The following ZNF814 variants were observed in gnomAD, a reference collection of about 807,000 sequenced individuals.
ZNF814 encodes zinc finger protein 814.
ZNF814 carries 5 observed loss-of-function variants against 7.5 expected under a neutral mutation model. The observed-to-expected ratio is 0.67, with a 90% CI of 0.35 to 1.40. The LOEUF (loss-of-function observed/expected upper bound fraction) is 1.40, where lower values mean the gene tolerates loss of function less well. Ranked by LOEUF, ZNF814 falls within the 40% of genes most tolerant of loss-of-function variation. The probability of loss-of-function intolerance (pLI) is 0.04; values close to 1 mark genes in which losing one functional copy is unlikely to be tolerated. For synonymous variants in ZNF814, 315 were observed against 340.7 expected, an observed-to-expected ratio of 0.92 and a Z score of 0.83; for missense variants, 962 against 1,018.0, an observed-to-expected ratio of 0.94 and a Z score of 0.75.
At chr19:57,875,365 A>G in intron 2 of ZNF814, 139 bp from the exon 3 acceptor site, 1 of 1,561,076 alleles carries the variant, frequency 6.4e-7, no homozygotes, top group Non-Finnish European at 8.7e-7. Context: ...CAGGCGGAAG[A>G]TGGTGCTATG....
the ZNF814 span, among the ~76,000 whole-genome samples, chr19:57,904,887 C>T: frequency 6.6e-6 from 1 of 151,684 alleles, no homozygotes; most frequent in African/African-American, 2.4e-5. Flanking sequence ...CTCGTCTCTA[C>T]TAAAAATACA....
At chr19:57,876,766 A>G (rs1444812090) in intron 2 of ZNF814, 150 bp downstream of exon 2, 6 of 1,319,392 alleles carry the variant, frequency 4.5e-6, no homozygotes, top group Non-Finnish European at 6.2e-6. Context: ...GGCAGTATGT[A>G]CACCTCAGAC....
chr19:57,889,772 G>A (rs1295089812), upstream of ZNF814, among the ~76,000 whole-genome samples: 2 of 151,926 alleles, frequency 1.3e-5, no homozygotes, highest in Admixed American at 6.6e-5. Context: ...GCCGAGGCAG[G>A]AGAATCTCTT....
chr19:57,883,467 T>C (rs1217033916), intron 1 of ZNF814, among the ~76,000 whole-genome samples: 1 of 151,734 alleles, frequency 6.6e-6, no homozygotes, highest in Non-Finnish European at 1.5e-5. Context: ...TCGAGACTAT[T>C]CTGGCCAATA....
the ZNF814 span, among the ~76,000 whole-genome samples, chr19:57,897,238 C>T: frequency 2.6e-5 from 4 of 152,180 alleles, no homozygotes; most frequent in African/African-American, 9.6e-5. Context: ...AGGGAAGGCT[C>T]ATTTGGCTGA....
At chr19:57,891,494 C>G (rs1021970172), upstream of ZNF814, among the ~76,000 whole-genome samples, 2 of 149,360 alleles carry the variant, frequency 1.3e-5, no homozygotes, top group African/African-American at 4.9e-5. Context: ...CACTGCACTC[C>G]AGCCTGGGTG....
chr19:57,888,740 T>C, intron 1 of ZNF814, 27 bp downstream of exon 1: 1 of 1,553,678 alleles, frequency 6.4e-7, no homozygotes, highest in Non-Finnish European at 8.7e-7. Flanking sequence ...TGAGGTGACC[T>C]GAGGACACAG....
the ZNF814 span, among the ~76,000 whole-genome samples, chr19:57,903,188 C>T: frequency 2.4e-4 from 36 of 152,158 alleles, no homozygotes; most frequent in African/African-American, 4.8e-4. Context: ...ACTCTTATCC[C>T]GTTCAAAAAG....
At chr19:57,894,732 G>A in the ZNF814 span, among the ~76,000 whole-genome samples, 5 of 151,896 alleles carry the variant, frequency 3.3e-5, no homozygotes, top group Non-Finnish European at 7.4e-5. Flanking sequence ...TACTTGGGAG[G>A]CTGAGGCAGG....
chr19:57,903,438 C>T, the ZNF814 span, among the ~76,000 whole-genome samples: 2 of 152,130 alleles, frequency 1.3e-5, no homozygotes, highest in African/African-American at 2.4e-5. Context: ...AGTTTAGAAA[C>T]TAGAATTCAA....
upstream of ZNF814, among the ~76,000 whole-genome samples, chr19:57,889,861 T>C (rs1196718727): frequency 1.3e-5 from 2 of 151,784 alleles, no homozygotes; most frequent in African/African-American, 4.8e-5. Context: ...AGACTCCATG[T>C]TGGAAAAAAA....
At chr19:57,900,150 TCAA>T in the ZNF814 span, 1 of 152,154 alleles carries the variant, frequency 6.6e-6, no homozygotes, top group Non-Finnish European at 1.5e-5. Flanking sequence ...TTGTGGGACC[TCAA>T]CAACAAGTTT....
Position 57,874,847 on chromosome 19 carries a change from G to A in ZNF814, c.543C>T (p.Pro181=). ...CCTCCTGCTGGAGTAATCCTGACCT[G>A]GGCAAAAAGTCCTTCCCACTCTCAC... The part of the protein sequence containing the change: ...VFSESGKDFL[P]RSGLLQQEAS... The change falls in exon 3 of 3, where the codon CCC becomes CCT. Residue 181 remains proline, a synonymous_variant. Coordinates refer to ENST00000435989, the MANE Select transcript of ZNF814 (RefSeq NM_001144989.2). 6.2e-7 allele frequency: 1 copy of A among 1,614,062 alleles called. No homozygotes were observed. Among genetic ancestry groups the A allele is most frequent in the Non-Finnish European group, 8.5e-7 (1 of 1,179,980 alleles).
chr19:57,892,486 G>A (rs571457806), upstream of ZNF814, among the ~76,000 whole-genome samples: 101 of 152,326 alleles, frequency 6.6e-4, no homozygotes, highest in South Asian at 1.7e-3. Context: ...GAGTTAGGGG[G>A]TTAGAGGCCC....
upstream of ZNF814, among the ~76,000 whole-genome samples, chr19:57,891,442 G>A (rs1056251292): frequency 7.9e-5 from 12 of 151,564 alleles, no homozygotes; most frequent in Admixed American, 5.3e-4. Context: ...GGGGAACGGC[G>A]TGAACCCGGG....
the ZNF814 span, among the ~76,000 whole-genome samples, chr19:57,896,205 A>G: frequency 1.3e-5 from 2 of 151,322 alleles, no homozygotes; most frequent in East Asian, 3.9e-4. This position sits in a 1 kb window ranked among gnomAD's most constrained non-coding sequence, Gnocchi z 4.2. Flanking sequence ...ATTGGCAGAG[A>G]TTTTAAAAAG....
the ZNF814 span, among the ~76,000 whole-genome samples, chr19:57,895,705 C>T: frequency 6.6e-6 from 1 of 152,104 alleles, no homozygotes; most frequent in Non-Finnish European, 1.5e-5. Context: ...CCAAAGTCGG[C>T]CAATTAGTGC....
At chr19:57,883,962 G>T (rs1490886091) in intron 1 of ZNF814, among the ~76,000 whole-genome samples, 6 of 152,060 alleles carry the variant, frequency 3.9e-5, no homozygotes, top group Non-Finnish European at 8.8e-5. Flanking sequence ...TCCCCATGTT[G>T]CCCAGGCTGG....
At chr19:57,877,123 T>C in intron 1 of ZNF814, 81 bp from the exon 2 acceptor site, 1 of 1,568,444 alleles carries the variant, frequency 6.4e-7, no homozygotes, top group Non-Finnish European at 8.7e-7. Context: ...ACATCTACTC[T>C]CGCACATCCT....
Sources: allele counts gnomAD v4.1 joint callset (sites outside exome capture counted in the v4.1 genomes callset), GRCh38; gene constraint gnomAD v4.1.1; non-coding constraint Gnocchi (gnomAD v3.1); transcripts MANE v1.5; gene names NCBI Gene and HGNC (gene_info 2026-07-23, HGNC 2026-07-21).